Variants in PIEZO2 observed in about 807,000 individuals in gnomAD.
PIEZO2 encodes the protein piezo-type mechanosensitive ion channel component 2.
A neutral mutation model predicts 337.3 loss-of-function variants in PIEZO2; 172 were observed. The ratio of observed to expected loss-of-function variants is 0.51; its 90% CI spans 0.45 to 0.58. The LOEUF is 0.58. Among genes scored for constraint, PIEZO2 ranks in the 20% least tolerant of loss-of-function variants. The pLI, the probability that PIEZO2 is intolerant of heterozygous loss-of-function variation, is 0.00. For missense variants in PIEZO2, 3,028 were observed against 3,391.3 expected, an observed-to-expected ratio of 0.89 and a Z score of 2.66; for synonymous variants, 1,251 against 1,228.5, an observed-to-expected ratio of 1.02 and a Z score of -0.38.
chr18:10,795,351 A>ATTTTATTATTTTATTTTATT lies in PIEZO2; in HGVS notation c.1528-350_1528-349insAATAAAATAAAATAATAAAA, dbSNP rs1555648418. On this transcript the variant is annotated intron_variant, in intron 12 of 55. Transcript: ENST00000674853. The surrounding 1 kb of genome is among the most constrained non-coding windows in gnomAD (Gnocchi z 4.4). ...ATTTTATTTTATTTTATTTTATTTT[A>ATTTTATTATTTTATTTTATT]TTATTTTATTTTATTTTATTTTATT... Among the ~76,000 whole-genome samples, 3 of 20,520 alleles carry ATTTTATTATTTTATTTTATT rather than the reference A, an allele frequency of 1.5e-4. No homozygotes were observed. The highest frequency in any genetic ancestry group is 5.7e-4 in the Admixed American group (1 of 1,768). 13.5% of individuals were successfully genotyped at this position (20,520 alleles called of 152,430 possible).
At chr18:10,867,662 AG>A (rs201254017) in intron 5 of PIEZO2, among the ~76,000 whole-genome samples, 1,923 of 152,272 alleles carry the variant, frequency 0.013, 40 homozygotes, top group African/African-American at 0.044. Context: ...ACTATCTAAA[AG>A]AAAGGCCTCA....
intron 35 of PIEZO2, among the ~76,000 whole-genome samples, chr18:10,734,757 G>A (rs1286050048): frequency 1.3e-5 from 2 of 152,198 alleles, no homozygotes; most frequent in African/African-American, 4.8e-5. Flanking sequence ...GGAAGAAGCT[G>A]GCTGTACCGA....
intron 49 of PIEZO2, among the ~76,000 whole-genome samples, chr18:10,686,930 C>A (rs1314100108): frequency 6.6e-6 from 1 of 152,112 alleles, no homozygotes; most frequent in African/African-American, 2.4e-5. Context: ...AGGAGACAAG[C>A]GTCAGGGCAA....
Position 10,993,475 on chromosome 18 carries a change from T to G in PIEZO2, c.161-13815A>C, listed in dbSNP as rs567991037. ...TGCATCTATTGAGATAATCATGTCG[T>G]TTTTGTCATTGGTTCTGTTTATGTG... On this transcript the variant is annotated intron_variant, in intron 2 of 55. Transcript: ENST00000674853. This position sits in a 1 kb window ranked among gnomAD's most constrained non-coding sequence, Gnocchi z 5.0. 6.6e-6 allele frequency among the ~76,000 whole-genome samples: 1 copy of G among 152,308 alleles called. No individual in the cohort carries two copies. The highest frequency in any genetic ancestry group is 2.4e-5 in the African/African-American group (1 of 41,574).
intron 2 of PIEZO2, among the ~76,000 whole-genome samples, chr18:11,064,043 A>G (rs1033264838): frequency 4.2e-4 from 64 of 152,122 alleles, no homozygotes; most frequent in African/African-American, 1.5e-3. Flanking sequence ...AAAAAAAAAG[A>G]AAGTCCTCGC....
Position 10,993,201 on chromosome 18 carries a change from T to C in PIEZO2, c.161-13541A>G, listed in dbSNP as rs376575478. Among the ~76,000 whole-genome samples the C allele has an allele frequency of 7.7e-4, 117 of 152,296 alleles. 1 individual carries two copies. Among genetic ancestry groups the C allele is most frequent in the African/African-American group, 2.7e-3 (113 of 41,564 alleles). ...ACACTTTGACTTCCTCTTTTCCTAT[T>C]TGAATACGCTTTATTTCCTTCTCTT... On this transcript the variant is annotated intron_variant, in intron 2 of 55. Coordinates refer to ENST00000674853, the MANE Select transcript of PIEZO2 (RefSeq NM_001378183.1). The surrounding 1 kb of genome is among the most constrained non-coding windows in gnomAD (Gnocchi z 5.0).
At position 11,077,227 on chromosome 18, in the gene PIEZO2, G is replaced by C. The variant is rs116406777; in HGVS notation, c.65-11005C>G. 6.6e-3 allele frequency among the ~76,000 whole-genome samples: 1,010 copies of C among 152,300 alleles called. 8 individuals are homozygous for C. The highest frequency in any genetic ancestry group is 0.023 in the African/African-American group (974 of 41,566). On this transcript the variant is annotated intron_variant, in intron 1 of 55. Transcript: ENST00000674853. This position sits in a 1 kb window ranked among gnomAD's most constrained non-coding sequence, Gnocchi z 4.8. ...AGAATAATTAGGGGGCCAACTGGGA[G>C]CTAAGAAAAGGTCAAATATTAAAAC...
At chr18:11,040,985 G>T (rs186552124) in intron 2 of PIEZO2, among the ~76,000 whole-genome samples, 40 of 152,240 alleles carry the variant, frequency 2.6e-4, no homozygotes, top group African/African-American at 9.6e-4. Flanking sequence ...ATGCCACATT[G>T]AACTGTTTTC....
At position 11,038,119 on chromosome 18, in the gene PIEZO2, C is replaced by G. The variant is rs773392600; in HGVS notation, c.160+28008G>C. ...GGCTCAAAACATTGTAAAAGATACT[C>G]TGCACACTTTAAGAGAACTCTAGTA... On this transcript the variant is annotated intron_variant, in intron 2 of 55. Transcript: ENST00000674853. The surrounding 1 kb of genome is among the most constrained non-coding windows in gnomAD (Gnocchi z 4.1). Among the ~76,000 whole-genome samples the G allele has an allele frequency of 4.6e-5, 7 of 152,162 alleles. No homozygotes were observed. The highest frequency in any genetic ancestry group is 7.3e-5 in the Non-Finnish European group (5 of 68,036).
intron 35 of PIEZO2, among the ~76,000 whole-genome samples, chr18:10,733,258 AGAG>A (rs1567998022): frequency 2.3e-4 from 35 of 152,048 alleles, no homozygotes. Flanking sequence ...GAAAACGGAG[AGAG>A]GAGGGAGTCA....
intron 27 of PIEZO2, among the ~76,000 whole-genome samples, chr18:10,756,733 G>A (rs574452660): frequency 9.8e-4 from 148 of 150,338 alleles, no homozygotes; most frequent in African/African-American, 3.1e-3. Context: ...ATAAAGATGA[G>A]CTATGGGGAT....
At chr18:11,057,228 C>A (rs965873185) in intron 2 of PIEZO2, among the ~76,000 whole-genome samples, 2 of 152,138 alleles carry the variant, frequency 1.3e-5, no homozygotes, top group Non-Finnish European at 2.9e-5. Flanking sequence ...GACAATGTTC[C>A]AGTTGCTTCA....
rs2038699966 is a variant in PIEZO2 at position 10,774,042 on chromosome 18, C to CATT, written c.2535-5_2535-4insAAT. 1 of 702,646 alleles carries CATT rather than the reference C, an allele frequency of 1.4e-6. No homozygotes were observed. Among genetic ancestry groups the CATT allele is most frequent in the African/African-American group, 1.7e-5 (1 of 57,158 alleles). The allele number at this position is 702,646 out of a possible 1,614,324, so 43.5% of individuals were successfully genotyped here. ...GATTGGTAATTTTTTCTTGATGCTG[C>CATT]TCATAGTAATTGAAATAGAAAGGAA... is the stretch of plus-strand genomic sequence containing the variant. On this transcript the variant is annotated splice_region_variant and splice_polypyrimidine_tract_variant and intron_variant, in intron 18 of 55. Transcript: ENST00000674853.
chr18:10,791,279 T>G lies in PIEZO2; in HGVS notation c.1804A>C (p.Thr602Pro). The change falls in exon 14 of 56, where the codon ACA (threonine) becomes CCA (proline). Residue 602 changes from threonine (T) to proline (P), a missense_variant. Thr to Pro is a conservative substitution (Grantham distance 38). This residue lies in a region of PIEZO2 where 1,925 missense variants were observed against 2,051.9 expected (regional missense o/e 0.94). Coordinates refer to ENST00000674853, the MANE Select transcript of PIEZO2 (RefSeq NM_001378183.1). ...TTTTCTTGCAGAGCTTTTTGCTCTG[T>G]GAGGTGCTGCCTCAGCAGTAGCCAA... ...TFWLLLRQHL[T>P]EQKALQEKEA... The G allele has an allele frequency of 6.5e-7, 1 of 1,535,522 alleles. No homozygotes were observed. Among genetic ancestry groups the G allele is most frequent in the Non-Finnish European group, 8.7e-7 (1 of 1,146,000 alleles).
In PIEZO2 at chr18:10,894,249, T is replaced by C. The variant is rs2042833558; in HGVS notation, c.329+16937A>G. 6.6e-6 allele frequency among the ~76,000 whole-genome samples: 1 copy of C among 151,854 alleles called. No individual in the cohort carries two copies. Among genetic ancestry groups the C allele is most frequent in the Non-Finnish European group, 1.5e-5 (1 of 67,942 alleles). On this transcript the variant is annotated intron_variant, in intron 4 of 55. Transcript: ENST00000674853. The surrounding 1 kb of genome is among the most constrained non-coding windows in gnomAD (Gnocchi z 4.1). ...GGGCGGATCACCTGAGGTCAGGAGT[T>C]GAGACCAGCCTGGCCAACATGGAGA...
In PIEZO2 at chr18:10,763,044, C is replaced by T. The variant is rs1331740910; in HGVS notation, c.3001G>A (p.Ala1001Thr). ...CTTGAAGCCAGACGGCGCAGCTTGG[C>T]GTACGGCAGAGCAAAAGCCCAAGAA... ...LISWAFALPY[A>T]KLRRLASSVC... The change falls in exon 22 of 56, where the codon GCC (alanine) becomes ACC (threonine). Residue 1001 changes from alanine to threonine, a missense_variant. Physicochemically the swap from Ala to Thr is moderately conservative, Grantham distance 58. Around this residue, in one of 5 missense-constraint regions of PIEZO2, gnomAD observed 1,925 missense variants for 2,051.9 expected, o/e 0.94. Transcript: ENST00000674853. The T allele has an allele frequency of 7.9e-5, 122 of 1,537,200 alleles. No individual in the cohort carries two copies. The highest frequency in any genetic ancestry group is 1.3e-4 in the South Asian group (11 of 84,068).
At chr18:10,820,423 A>G (rs1183365931) in intron 7 of PIEZO2, among the ~76,000 whole-genome samples, 1 of 149,482 alleles carries the variant, frequency 6.7e-6, no homozygotes, top group Non-Finnish European at 1.5e-5. Context: ...AAGTTCATCT[A>G]TCTTTTCTTC....
At chr18:11,075,343 C>G (rs1205691562) in intron 1 of PIEZO2, among the ~76,000 whole-genome samples, 1 of 152,130 alleles carries the variant, frequency 6.6e-6, no homozygotes, top group African/African-American at 2.4e-5. Flanking sequence ...ATTAAACAAC[C>G]ATAGATTTTT....
In PIEZO2 at chr18:11,001,905, A is replaced by AGAAG. The variant is rs56275136; in HGVS notation, c.161-22249_161-22246dup. 0.076 allele frequency among the ~76,000 whole-genome samples: 10,600 copies of AGAAG among 139,074 alleles called. 526 individuals are homozygous for AGAAG. Among genetic ancestry groups the AGAAG allele is most frequent in the East Asian group, 0.15 (699 of 4,516 alleles). The allele number at this position is 139,074 out of a possible 152,430, so 91.2% of individuals were successfully genotyped here. ...AAAAGGAGAAAAAGGGAAGGAAGGA[A>AGAAG]GAAGGAAGGAAGGAAGGAAGGAAGG... On this transcript the variant is annotated intron_variant, in intron 2 of 55. Transcript: ENST00000674853. The surrounding 1 kb of genome is among the most constrained non-coding windows in gnomAD (Gnocchi z 5.3).
Sources: gnomAD v4.1 joint callset for allele counts (sites outside exome capture counted in the v4.1 genomes callset) on GRCh38, gnomAD v4.1.1 for gene constraint, gnomAD v4.1.1 regional missense constraint, Gnocchi (gnomAD v3.1) non-coding constraint, MANE v1.5 for transcripts, NCBI Gene and HGNC (gene_info 2026-07-23, HGNC 2026-07-21) for gene names.